The following FTO variants were observed in gnomAD, a reference collection of about 807,000 sequenced individuals.
The protein encoded by FTO is alpha-ketoglutarate-dependent dioxygenase FTO.
In FTO, 47 loss-of-function variants were observed where a neutral mutation model predicts 63.9. That is an observed-to-expected ratio of 0.74 (90% CI 0.58 to 0.94). The LOEUF (loss-of-function observed/expected upper bound fraction) is 0.94. FTO is among the 40% of genes least tolerant of loss of function. The pLI is 0.00. For synonymous variants in FTO, 207 were observed against 224.4 expected (o/e 0.92, Z 0.69); for missense variants, 562 against 618.1 (o/e 0.91, Z 0.96).
At chr16:54,000,627 C>T (rs1260675929) in intron 8 of FTO, among the ~76,000 whole-genome samples, 1 of 152,116 alleles carries the variant, frequency 6.6e-6, no homozygotes, top group African/African-American at 2.4e-5. Flanking sequence ...GTAAATTCTC[C>T]AAAGGCAAGC....
chr16:53,772,559 T>C (rs1567973554), intron 1 of FTO, among the ~76,000 whole-genome samples: 2 of 152,130 alleles, frequency 1.3e-5, no homozygotes, highest in Non-Finnish European at 2.9e-5. Flanking sequence ...GTAAACTCCA[T>C]GAGGCAGTAA....
At position 54,111,782 on chromosome 16, in the gene FTO, G is replaced by T. The variant is rs779678337; in HGVS notation, c.1385G>T (p.Arg462Leu). The T allele has an allele frequency of 1.9e-6, 3 of 1,614,014 alleles. No homozygotes were observed. In the South Asian group the frequency reaches 3.3e-5, roughly 18 times the overall value. Residue 462 changes from arginine (R) to leucine (L), a missense_variant, in exon 9 of 9, where the codon CGA (arginine) becomes CTA (leucine). Transcript: ENST00000471389. ...TCCAGGTGCCAGTCACGAATTGCCC[G>T]AACATTACCTGCTGATCAGAAGCCA... is the stretch of plus-strand genomic sequence containing the variant. ...WHARCQSRIARTLPADQKPEC... is the reference protein window; with the variant it reads ...WHARCQSRIALTLPADQKPEC...
Position 53,768,527 on chromosome 16 carries a change from C to T in FTO, c.46-41613C>T, listed in dbSNP as rs139250782. Reference sequence around the variant, plus strand: ...TTCTTACCCGAGTAGAAGATGATGCCGGGGGATCTAATGCTTCTTTTAAAT... The same window carrying T: ...TTCTTACCCGAGTAGAAGATGATGCTGGGGGATCTAATGCTTCTTTTAAAT... On this transcript the variant is annotated intron_variant, in intron 1 of 8. Transcript: ENST00000471389. Among the ~76,000 whole-genome samples the T allele has an allele frequency of 1.4e-4, 21 of 152,070 alleles. 1 individual carries two copies. The highest frequency in any genetic ancestry group is 3.4e-3 in the Middle Eastern group (1 of 294).
At chr16:53,881,838 C>T (rs1356522554) in intron 6 of FTO, among the ~76,000 whole-genome samples, 1 of 152,156 alleles carries the variant, frequency 6.6e-6, no homozygotes. Flanking sequence ...AATCCAGTAT[C>T]ATTAGCCAAA....
chr16:53,998,152 A>C (rs1405974825), intron 8 of FTO, among the ~76,000 whole-genome samples: 1 of 152,188 alleles, frequency 6.6e-6, no homozygotes, highest in Non-Finnish European at 1.5e-5. Flanking sequence ...GTAGCATCAG[A>C]GCAGAACATG....
At chr16:54,086,706 G>A (rs2086260788) in intron 8 of FTO, among the ~76,000 whole-genome samples, 1 of 152,152 alleles carries the variant, frequency 6.6e-6, no homozygotes, top group Non-Finnish European at 1.5e-5. Context: ...CATAAAGGCA[G>A]GATTCTCAAT....
chr16:53,805,851 A>G (rs963349588), intron 1 of FTO, among the ~76,000 whole-genome samples: 5 of 152,128 alleles, frequency 3.3e-5, no homozygotes, highest in African/African-American at 1.2e-4. Context: ...CCCTCCTGCC[A>G]GGTAGGAGAG....
chr16:54,015,268 G>A (rs2111117), intron 8 of FTO, among the ~76,000 whole-genome samples: 79,701 of 152,034 alleles, frequency 0.52, 23,414 homozygotes, highest in African/African-American at 0.79. Context: ...TGTGTTTCAT[G>A]TAAAGTATTA....
At chr16:54,041,502 T>C (rs2085074187) in intron 8 of FTO, among the ~76,000 whole-genome samples, 1 of 152,186 alleles carries the variant, frequency 6.6e-6, no homozygotes, top group Non-Finnish European at 1.5e-5. Context: ...CACCTAGCGA[T>C]TCAAAGAAAT....
chr16:53,940,606 C>G (rs1206826191), intron 8 of FTO, among the ~76,000 whole-genome samples: 1 of 152,142 alleles, frequency 6.6e-6, no homozygotes, highest in Non-Finnish European at 1.5e-5. Flanking sequence ...AGCTCTTTAG[C>G]TTTTAGGCTC....
At chr16:53,739,202 C>CTATTTATT (rs3035384) in intron 1 of FTO, among the ~76,000 whole-genome samples, 34 of 149,722 alleles carry the variant, frequency 2.3e-4, no homozygotes, top group East Asian at 6.0e-4. Context: ...CTTACTATTA[C>CTATTTATT]TATTTATTTA....
chr16:53,821,942 C>T (rs2078874875), intron 2 of FTO, among the ~76,000 whole-genome samples: 1 of 152,172 alleles, frequency 6.6e-6, no homozygotes, highest in African/African-American at 2.4e-5. Context: ...AAGCAGCCAC[C>T]AGCTGGTTGC....
intron 8 of FTO, among the ~76,000 whole-genome samples, chr16:53,945,292 C>T (rs2082628977): frequency 6.6e-6 from 1 of 152,168 alleles, no homozygotes; most frequent in African/African-American, 2.4e-5. Context: ...TAGCAGCTGA[C>T]ATTTATTGAG....
At chr16:53,817,020 A>T (rs2078711737) in intron 2 of FTO, among the ~76,000 whole-genome samples, 1 of 152,218 alleles carries the variant, frequency 6.6e-6, no homozygotes, top group South Asian at 2.1e-4. Context: ...CTATTGTAGG[A>T]CATTCTTCTC....
intron 8 of FTO, among the ~76,000 whole-genome samples, chr16:53,973,606 C>T (rs112646228): frequency 1.3e-5 from 2 of 152,218 alleles, no homozygotes; most frequent in African/African-American, 2.4e-5. Context: ...TCTGCCTCTC[C>T]CTAGAGCTCA....
chr16:53,760,650 T>TG (rs1393664238), intron 1 of FTO, among the ~76,000 whole-genome samples: 2 of 139,040 alleles, frequency 1.4e-5, no homozygotes, highest in Non-Finnish European at 3.1e-5. Context: ...TTCCTGAGAC[T>TG]GAGTCTGGCT....
At chr16:53,987,095 G>A (rs1056475538) in intron 8 of FTO, among the ~76,000 whole-genome samples, 3 of 151,890 alleles carry the variant, frequency 2.0e-5, no homozygotes, top group South Asian at 4.2e-4. Context: ...AAACAAAATC[G>A]TGCCAGTCGC....
intron 7 of FTO, among the ~76,000 whole-genome samples, chr16:53,894,858 A>G (rs2081238340): frequency 6.6e-6 from 1 of 152,174 alleles, no homozygotes; most frequent in African/African-American, 2.4e-5. Flanking sequence ...GAGTGACTCA[A>G]GATAAGCACA....
At chr16:53,819,193 A>G (rs1322845080) in intron 2 of FTO, among the ~76,000 whole-genome samples, 1 of 150,640 alleles carries the variant, frequency 6.6e-6, no homozygotes, top group Non-Finnish European at 1.5e-5. Context: ...ATATTTATTT[A>G]TTTATCTATC....
Sources: allele counts gnomAD v4.1 joint callset (sites outside exome capture counted in the v4.1 genomes callset), GRCh38; gene constraint gnomAD v4.1.1; transcripts MANE v1.5; gene names NCBI Gene and HGNC (gene_info 2026-07-23, HGNC 2026-07-21).